Variants in MYCBP2 observed in about 807,000 individuals in gnomAD.
The protein encoded by MYCBP2 is MYC binding protein 2.
MYCBP2 carries 120 observed loss-of-function variants against 525.3 expected under a neutral mutation model. That is an observed-to-expected ratio of 0.23 (90% confidence interval 0.20 to 0.27). MYCBP2 has a LOEUF of 0.27. Among genes scored for constraint, MYCBP2 ranks in the 10% least tolerant of loss-of-function variants. The pLI, the probability that MYCBP2 is intolerant of heterozygous loss-of-function variation, is 1.00. For missense variants in MYCBP2, 4,149 were observed against 5,657.1 expected, an observed-to-expected ratio of 0.73 and a Z score of 8.55; for synonymous variants, 1,894 against 1,955.8, an observed-to-expected ratio of 0.97 and a Z score of 0.83.
chr13:77,090,267 T>C lies in MYCBP2; in HGVS notation c.10368-4A>G. 18 of 1,604,168 alleles carry C rather than the reference T, an allele frequency of 1.1e-5. No homozygotes were observed. The highest frequency in any genetic ancestry group is 1.5e-5 in the Non-Finnish European group (18 of 1,175,054). Reference sequence around the variant, plus strand: ...AGTTATGGGACTGGTTTCTAAACTGTACATGGAACAATGCAACAGATACAA... The same window carrying C: ...AGTTATGGGACTGGTTTCTAAACTGCACATGGAACAATGCAACAGATACAA... On this transcript the variant is annotated splice_region_variant and splice_polypyrimidine_tract_variant and intron_variant, in intron 59 of 82. Transcript: ENST00000544440.
intron 30 of MYCBP2, among the ~76,000 whole-genome samples, chr13:77,187,209 G>A (rs1003571141): frequency 6.6e-6 from 1 of 152,128 alleles, no homozygotes; most frequent in Non-Finnish European, 1.5e-5. Context: ...ATACAAAGGG[G>A]TTACCAAGCA....
chr13:77,247,030 G>C (rs1304392863), intron 15 of MYCBP2, among the ~76,000 whole-genome samples: 2 of 152,126 alleles, frequency 1.3e-5, no homozygotes, highest in South Asian at 2.1e-4. Context: ...GAGACTGAAA[G>C]CTTTTCCTCG....
rs756851820 is a variant in MYCBP2, at chr13:77,098,399, G to C, written c.8755C>G (p.Pro2919Ala). ...TTTTCCTGTACCACATGGGGAGAGG[G>C]AGCTCTATTTTCAGATCCAGGGGAA... The part of the protein sequence containing the change: ...TDSPGSENRA[P>A]SPHVVQENLH... The change falls in exon 56 of 83, where the codon CCC becomes GCC. Residue 2919 changes from proline to alanine, a missense_variant. Transcript: ENST00000544440. The C allele has an allele frequency of 6.2e-7, 1 of 1,613,604 alleles. No homozygotes were observed.
Position 77,051,885 on chromosome 13 carries a change from C to T in MYCBP2, c.13681G>A (p.Glu4561Lys). The T allele has an allele frequency of 6.2e-7, 1 of 1,614,192 alleles. No individual in the cohort carries two copies. The highest frequency in any genetic ancestry group is 8.5e-7 in the Non-Finnish European group (1 of 1,180,038). Reference protein sequence around the residue: ...YFGGEARCDAEAGRGDDYDPR... With the variant: ...YFGGEARCDAKAGRGDDYDPR... ...TCATAATCATCTCCCCGTCCAGCCTCAGCATCGCAGCGAGCTTCACCACCA... is the reference window on the plus strand; with the variant it reads ...TCATAATCATCTCCCCGTCCAGCCTTAGCATCGCAGCGAGCTTCACCACCA... Residue 4561 changes from glutamate (E) to lysine (K), a missense_variant, in exon 81 of 83, where the codon GAG (glutamate) becomes AAG (lysine). Physicochemically the swap from Glu to Lys is moderately conservative, Grantham distance 56. Transcript: ENST00000544440.
chr13:77,069,352 G>C (rs1446181796), intron 69 of MYCBP2, among the ~76,000 whole-genome samples: 1 of 152,230 alleles, frequency 6.6e-6, no homozygotes, highest in Non-Finnish European at 1.5e-5. Context: ...GCTGGGTGCC[G>C]TGGCTCACGC....
In MYCBP2 at chr13:77,126,463, T is replaced by C; in HGVS notation, c.7739A>G (p.Asp2580Gly). Reference protein sequence around the residue: ...CPQEATMQEQDMPFLRGGPGM... With the variant: ...CPQEATMQEQGMPFLRGGPGM... The stretch of plus-strand genomic sequence containing the variant: ...TGGCCCTCCTCGCAAGAATGGCATA[T>C]CTTGTTCTTGCATTGTTGCTTCCTG... Residue 2580 changes from aspartate to glycine, a missense_variant, in exon 53 of 83, where the codon GAT becomes GGT. Asp to Gly is a moderately conservative substitution (Grantham distance 94). Transcript: ENST00000544440. 1 of 1,614,012 alleles carries C rather than the reference T, an allele frequency of 6.2e-7. No homozygotes were observed. The highest frequency in any genetic ancestry group is 8.5e-7 in the Non-Finnish European group (1 of 1,179,870).
chr13:77,160,039 C>CAGA (rs1183783028), intron 44 of MYCBP2, among the ~76,000 whole-genome samples: 1 of 151,176 alleles, frequency 6.6e-6, no homozygotes, highest in Non-Finnish European at 1.5e-5. Flanking sequence ...TCCCTATGAT[C>CAGA]AGAAGACAGT....
chr13:77,125,810 A>C (rs1333498259), intron 53 of MYCBP2, among the ~76,000 whole-genome samples: 1 of 152,192 alleles, frequency 6.6e-6, no homozygotes, highest in Non-Finnish European at 1.5e-5. Context: ...ATTTAGGTTG[A>C]GAGTATCCAT....
chr13:77,118,177 TCTTAGCTCAGAATAG>T (rs1407871532), intron 55 of MYCBP2, among the ~76,000 whole-genome samples: 1 of 152,198 alleles, frequency 6.6e-6, no homozygotes. Flanking sequence ...CTGCAGAATG[TCTTAGCTCAGAATAG>T]CTTAGATATT....
chr13:77,118,933 G>C (rs1242521209), intron 55 of MYCBP2, among the ~76,000 whole-genome samples: 2 of 152,080 alleles, frequency 1.3e-5, no homozygotes, highest in Non-Finnish European at 2.9e-5. Flanking sequence ...CAGAAAATAA[G>C]CAATTAACAG....
intron 55 of MYCBP2, among the ~76,000 whole-genome samples, chr13:77,113,287 CTA>C (rs1459977701): frequency 1.3e-5 from 2 of 152,142 alleles, no homozygotes; most frequent in African/African-American, 4.8e-5. Context: ...AGAAGCTTTC[CTA>C]TGTTTCCATT....
intron 4 of MYCBP2, among the ~76,000 whole-genome samples, chr13:77,276,241 G>C (rs947109455): frequency 6.6e-6 from 1 of 152,064 alleles, no homozygotes; most frequent in Non-Finnish European, 1.5e-5. Flanking sequence ...AAATCTATTT[G>C]CAAAGAGAAG....
At position 77,097,253 on chromosome 13, in the gene MYCBP2, T is replaced by C. The variant is rs926076332; in HGVS notation, c.9784+117A>G. The C allele has an allele frequency of 2.6e-5, 36 of 1,377,956 alleles. No individual in the cohort carries two copies. The South Asian group carries it at 5.3e-4, about 20-fold the overall frequency. The allele number at this position is 1,377,956 out of a possible 1,614,324, so 85.4% of individuals were successfully genotyped here. On this transcript the variant is annotated intron_variant, in intron 56 of 82. Transcript: ENST00000544440. ...CTGATAATGTACTTTAAAAATGACATTCTAAGATACTATAAATTCCCTATC... is the reference window on the plus strand; with the variant it reads ...CTGATAATGTACTTTAAAAATGACACTCTAAGATACTATAAATTCCCTATC...
chr13:77,281,765 C>T (rs903995474), intron 3 of MYCBP2, among the ~76,000 whole-genome samples: 2 of 152,074 alleles, frequency 1.3e-5, no homozygotes, highest in Non-Finnish European at 2.9e-5. Context: ...TATTTCCAAA[C>T]GTGACTTTAT....
At chr13:77,191,065 C>T (rs919314751) in intron 28 of MYCBP2, among the ~76,000 whole-genome samples, 2 of 152,032 alleles carry the variant, frequency 1.3e-5, no homozygotes, top group Admixed American at 6.5e-5. Context: ...CAGGTCTGAC[C>T]TTGGTTTTAA....
At chr13:77,056,928 A>C (rs181443033) in intron 79 of MYCBP2, 58 bp downstream of exon 79, 2 of 1,308,136 alleles carry the variant, frequency 1.5e-6, no homozygotes, top group African/African-American at 2.9e-5. Flanking sequence ...TTATTTTGAA[A>C]GGTGAAAAGA....
At chr13:77,066,308 T>C (rs1473945957) in intron 71 of MYCBP2, among the ~76,000 whole-genome samples, 3 of 152,228 alleles carry the variant, frequency 2.0e-5, no homozygotes, top group Non-Finnish European at 4.4e-5. Context: ...TGTTTGCACA[T>C]TATTTCTGTG....
At chr13:77,062,485 C>T in intron 74 of MYCBP2, 111 bp downstream of exon 74, 5 of 852,514 alleles carry the variant, frequency 5.9e-6, no homozygotes, top group East Asian at 2.6e-5. Context: ...TTCAAGAGAT[C>T]CACTAACTGT....
chr13:77,060,218 T>G (rs1043894241), intron 76 of MYCBP2, among the ~76,000 whole-genome samples: 10 of 152,332 alleles, frequency 6.6e-5, no homozygotes, highest in African/African-American at 2.4e-4. Context: ...ACCAAGCTGA[T>G]TTTTAAACAC....
Sources: gnomAD v4.1 joint callset for allele counts (sites outside exome capture counted in the v4.1 genomes callset) on GRCh38, gnomAD v4.1.1 for gene constraint, MANE v1.5 for transcripts, NCBI Gene and HGNC (gene_info 2026-07-23, HGNC 2026-07-21) for gene names.